Variants in ABCC11 observed in about 807,000 individuals in gnomAD.
The protein encoded by ABCC11 is ATP-binding cassette sub-family C member 11.
A neutral mutation model predicts 149.3 loss-of-function variants in ABCC11; 135 were observed. That is an observed-to-expected ratio of 0.90 (90% CI 0.79 to 1.04). ABCC11 has a LOEUF of 1.04. Ranked by LOEUF, ABCC11 falls within the 50% of genes least tolerant of loss-of-function variation. The pLI is 0.00. For missense variants in ABCC11, 1,680 were observed against 1,722.1 expected (o/e 0.98, Z 0.43); for synonymous variants, 665 against 671.4 (o/e 0.99, Z 0.15).
At chr16:48,202,477 G>A (rs1224890987) in intron 14 of ABCC11, among the ~76,000 whole-genome samples, 2 of 152,012 alleles carry the variant, frequency 1.3e-5, no homozygotes, top group East Asian at 1.9e-4. Flanking sequence ...CGGGCCTGGA[G>A]GTGCATGCCT....
At chr16:48,183,960 G>A (rs1326629309) in intron 23 of ABCC11, among the ~76,000 whole-genome samples, 1 of 152,088 alleles carries the variant, frequency 6.6e-6, no homozygotes, top group African/African-American at 2.4e-5. Context: ...TCTAGGGGCT[G>A]GGCTGTGAAA....
Position 48,167,166 on chromosome 16 carries a change from A to C in ABCC11, c.*108T>G. On this transcript the variant is annotated 3_prime_UTR_variant, in exon 30 of 30. Coordinates refer to ENST00000356608, the MANE Select transcript of ABCC11 (RefSeq NM_001370497.1). ...CCCTACATTTACCCCTGCTTCCAGG[A>C]GAAGTTCTCATCTCCAAACAAGAAG... 6.3e-5 allele frequency: 27 copies of C among 427,996 alleles called. No individual in the cohort carries two copies. Among genetic ancestry groups the C allele is most frequent in the East Asian group, 1.7e-4 (3 of 18,026 alleles). The allele number at this position is 427,996 out of a possible 1,614,324, so 26.5% of individuals were successfully genotyped here. A position where few individuals can be genotyped will look rare whatever the true frequency, so the allele number is the denominator to read the frequency against.
rs772443961 is a variant in ABCC11 at position 48,167,267 on chromosome 16, C to T, written c.*7G>A. ...GCTGCCAGCCTCCATGAAGTCTCCA[C>T]ATCTCCTTATCTCAGTGAAGAAGTG... On this transcript the variant is annotated 3_prime_UTR_variant, in exon 30 of 30. Transcript: ENST00000356608. 2 of 804,284 alleles carry T rather than the reference C, an allele frequency of 2.5e-6. No individual in the cohort carries two copies. The highest frequency in any genetic ancestry group is 2.3e-6 in the Non-Finnish European group (1 of 439,964). 49.8% of individuals were successfully genotyped at this position (804,284 alleles called of 1,614,324 possible). A position where few individuals can be genotyped will look rare whatever the true frequency, so the allele number is the denominator to read the frequency against.
In ABCC11 at chr16:48,205,526, G is replaced by A. The variant is rs146427039; in HGVS notation, c.1692C>T (p.Leu564=). 1.2e-5 allele frequency: 19 copies of A among 1,613,726 alleles called. No individual in the cohort carries two copies. Among genetic ancestry groups the A allele is most frequent in the African/African-American group, 2.7e-5 (2 of 74,916 alleles). The change falls in exon 13 of 30, where the codon CTC becomes CTT. Residue 564 remains leucine (L), a synonymous_variant. Coordinates refer to ENST00000356608, the MANE Select transcript of ABCC11 (RefSeq NM_001370497.1). ...LSAILEEMHL[L]EGSVGVQGSL... The stretch of plus-strand genomic sequence containing the variant: ...TTCCCTGCACCCCCACCGAGCCCTC[G>A]AGCAAGTGCATCTGCGGCAGAATGA...
intron 6 of ABCC11, among the ~76,000 whole-genome samples, chr16:48,218,660 T>C (rs1196776390): frequency 6.6e-6 from 1 of 152,144 alleles, no homozygotes; most frequent in Non-Finnish European, 1.5e-5. Flanking sequence ...GAGGGACTAT[T>C]CTCATGACAG....
intron 1 of ABCC11, chr16:48,244,152 G>A: frequency 2.2e-6 from 1 of 452,070 alleles, no homozygotes; most frequent in Non-Finnish European, 3.9e-6. Context: ...GTGAGGCGAA[G>A]GTCGCTGCAC....
intron 1 of ABCC11, among the ~76,000 whole-genome samples, chr16:48,232,824 ACATTTT>A (rs373859069): frequency 3.3e-5 from 5 of 152,330 alleles, no homozygotes; most frequent in South Asian, 2.1e-4. Flanking sequence ...AAGAAGACCC[ACATTTT>A]CATTTTCATT....
At chr16:48,221,760 G>A (rs34667131) in intron 6 of ABCC11, among the ~76,000 whole-genome samples, 2 of 152,076 alleles carry the variant, frequency 1.3e-5, no homozygotes, top group Non-Finnish European at 2.9e-5. Flanking sequence ...GTGTGTGTTT[G>A]AGACAGGGTC....
At chr16:48,171,086 CATGGAACCACCACAA>C (rs1040942946) in intron 26 of ABCC11, 119 bp from the exon 27 acceptor site, 11 of 885,256 alleles carry the variant, frequency 1.2e-5, no homozygotes, top group South Asian at 1.1e-4. Flanking sequence ...TAGGGAAATT[CATGGAACCACCACAA>C]ATGGAGATTT....
chr16:48,198,281 C>T lies in ABCC11; in HGVS notation c.2083-6G>A, dbSNP rs375970574. ...TGGCCACAAAATTCTAAGTACTGGA[C>T]AGTCAAAAGAAAGAAAGGCTTCAGT... On this transcript the variant is annotated splice_region_variant and splice_polypyrimidine_tract_variant and intron_variant, in intron 15 of 29. Transcript: ENST00000356608. 5 of 1,613,808 alleles carry T rather than the reference C, an allele frequency of 3.1e-6. No individual in the cohort carries two copies. Among genetic ancestry groups the T allele is most frequent in the East Asian group, 4.5e-5 (2 of 44,894 alleles).
rs1213511676 is a variant in ABCC11, at chr16:48,222,685, T to C, written c.690A>G (p.Thr230=). Residue 230 remains threonine, a synonymous_variant, in exon 6 of 30, where the codon ACA becomes ACG. Transcript: ENST00000356608. ...AAACAGCTGCTCGGAACCTGATGGC[T>C]GTGCGTTGGTTGATGATCCAACTGG... ...FSSSWIINQR[T]AIRFRAAVSS... is the part of the protein sequence containing the mutation. The C allele has an allele frequency of 6.2e-7, 1 of 1,614,222 alleles. No homozygotes were observed. Among genetic ancestry groups the C allele is most frequent in the Admixed American group, 1.7e-5 (1 of 60,020 alleles).
rs370459737 is a variant in ABCC11, at chr16:48,243,182, A to G, written c.-19+4132T>C. Among the ~76,000 whole-genome samples the G allele has an allele frequency of 5.3e-5, 8 of 151,738 alleles. No individual in the cohort carries two copies. The East Asian group carries it at 5.8e-4, about 11-fold the overall frequency. Reference sequence around the variant, plus strand: ...TTTGGGAGGCCAAGGCGGGCAGATCACGAGGTCAGGAGATTGAGACCATCC... The same window carrying G: ...TTTGGGAGGCCAAGGCGGGCAGATCGCGAGGTCAGGAGATTGAGACCATCC... On this transcript the variant is annotated intron_variant, in intron 1 of 29. Coordinates refer to ENST00000356608, the MANE Select transcript of ABCC11 (RefSeq NM_001370497.1).
At chr16:48,192,207 G>A (rs1043869184) in intron 20 of ABCC11, among the ~76,000 whole-genome samples, 3 of 152,046 alleles carry the variant, frequency 2.0e-5, no homozygotes, top group East Asian at 1.9e-4. Flanking sequence ...ACTTTGGGGG[G>A]CCGAGGTGGA....
chr16:48,210,748 T>G (rs1968848560), intron 11 of ABCC11, 200 bp downstream of exon 11: 2 of 809,182 alleles, frequency 2.5e-6, no homozygotes, highest in Admixed American at 3.0e-5. Context: ...CCAAAAAAAT[T>G]TTAAATGATA....
Position 48,184,759 on chromosome 16 carries a change from G to A in ABCC11, c.3072-133C>T, listed in dbSNP as rs537901865. 783 of 916,638 alleles carry A rather than the reference G, an allele frequency of 8.5e-4. 1 individual carries two copies. The highest frequency in any genetic ancestry group is 1.2e-3 in the Non-Finnish European group (730 of 619,636). 56.8% of individuals were successfully genotyped at this position (916,638 alleles called of 1,614,324 possible). On this transcript the variant is annotated intron_variant, in intron 22 of 29. Transcript: ENST00000356608. Reference sequence around the variant, plus strand: ...AGCAGCAGGGCCTGATTTTTCTTTGGGGAGTTCCTCCCTACCCCTTTCTCA... The same window carrying A: ...AGCAGCAGGGCCTGATTTTTCTTTGAGGAGTTCCTCCCTACCCCTTTCTCA...
intron 18 of ABCC11, among the ~76,000 whole-genome samples, chr16:48,195,718 C>T (rs1967338625): frequency 1.3e-5 from 2 of 152,174 alleles, no homozygotes; most frequent in Non-Finnish European, 2.9e-5. Flanking sequence ...TTAAATCACA[C>T]CAAAATAAAA....
intron 7 of ABCC11, 92 bp downstream of exon 7, chr16:48,216,022 G>GA: frequency 7.4e-7 from 1 of 1,353,094 alleles, no homozygotes; most frequent in Admixed American, 1.9e-5. Context: ...AGGTCAACAA[G>GA]AATCAATGTT....
intron 6 of ABCC11, among the ~76,000 whole-genome samples, chr16:48,219,176 T>G (rs1036182345): frequency 2.0e-5 from 3 of 151,254 alleles, no homozygotes; most frequent in Admixed American, 6.6e-5. Flanking sequence ...TGGGTTTTTT[T>G]TTTTTTTTTT....
At chr16:48,200,530 G>A in intron 14 of ABCC11, 51 bp from the exon 15 acceptor site, 4 of 1,576,304 alleles carry the variant, frequency 2.5e-6, no homozygotes, top group Non-Finnish European at 3.5e-6. Context: ...GCACAGCCAG[G>A]TGTGCTCAAA....
Sources: gnomAD v4.1 joint callset for allele counts (sites outside exome capture counted in the v4.1 genomes callset) on GRCh38, gnomAD v4.1.1 for gene constraint, MANE v1.5 for transcripts, NCBI Gene and HGNC (gene_info 2026-07-23, HGNC 2026-07-21) for gene names.